PLA2R1: variants seen among roughly 807,000 people sequenced by gnomAD.
PLA2R1 encodes secretory phospholipase A2 receptor.
A neutral mutation model predicts 195.9 loss-of-function variants in PLA2R1; 158 were observed. The observed-to-expected ratio is 0.81, with a 90% CI of 0.71 to 0.92. PLA2R1 has a LOEUF of 0.92. Among genes scored for constraint, PLA2R1 ranks in the 40% least tolerant of loss-of-function variants. The probability of loss-of-function intolerance (pLI) is 0.00; values close to 1 mark genes in which losing one functional copy is unlikely to be tolerated. For synonymous variants in PLA2R1, 586 were observed against 598.2 expected (o/e 0.98, Z 0.30); for missense variants, 1,626 against 1,764.6 (o/e 0.92, Z 1.41).
At chr2:160,040,257 G>A (rs1315941267) in intron 3 of PLA2R1, among the ~76,000 whole-genome samples, 1 of 151,926 alleles carries the variant, frequency 6.6e-6, no homozygotes, top group East Asian at 1.9e-4. Flanking sequence ...CCACTGTTCT[G>A]AGCTTCTCTA....
chr2:159,931,837 T>C (rs1224219948), downstream of PLA2R1, among the ~76,000 whole-genome samples: 1 of 152,250 alleles, frequency 6.6e-6, no homozygotes, highest in Non-Finnish European at 1.5e-5. Context: ...ACATTGTCCC[T>C]ACACCAAAAG....
intron 5 of PLA2R1, 28 bp from the exon 6 acceptor site, chr2:160,028,389 TTA>T (rs1355096787): frequency 6.4e-7 from 1 of 1,556,306 alleles, no homozygotes; most frequent in African/African-American, 1.4e-5. Context: ...GTCTTTAATA[TTA>T]GAAGCAAAAG....
chr2:160,020,805 A>G (rs1693057861), intron 7 of PLA2R1, among the ~76,000 whole-genome samples: 1 of 152,212 alleles, frequency 6.6e-6, no homozygotes, highest in Non-Finnish European at 1.5e-5. Context: ...TAAATTACTC[A>G]GTTTCTTTGT....
chr2:160,050,228 A>G (rs191982801), intron 1 of PLA2R1, among the ~76,000 whole-genome samples: 11 of 152,354 alleles, frequency 7.2e-5, no homozygotes, highest in Admixed American at 1.3e-4. Flanking sequence ...CTGATGTCAC[A>G]TGTGAGGTGG....
chr2:160,023,791 A>C (rs193029567), intron 6 of PLA2R1, among the ~76,000 whole-genome samples: 1 of 152,192 alleles, frequency 6.6e-6, no homozygotes, highest in Non-Finnish European at 1.5e-5. Context: ...GCAATGAATA[A>C]ATGACTACAT....
In PLA2R1 at chr2:160,054,861, T is replaced by TA. The variant is rs146085747; in HGVS notation, c.109+7433dup. ...CCAAAAGGCTCTCAAGGATAATTTC[T>TA]AAAAAAAAATGGAGGGAAGGGTTTA... On this transcript the variant is annotated intron_variant, in intron 1 of 29. Transcript: ENST00000283243. Among the ~76,000 whole-genome samples, 1,013 of 151,394 alleles carry TA rather than the reference T, an allele frequency of 6.7e-3. 10 individuals are homozygous for TA. Among genetic ancestry groups the TA allele is most frequent in the African/African-American group, 0.023 (964 of 41,330 alleles).
In PLA2R1 at chr2:160,062,405, G is replaced by C. The variant is rs1182335577; in HGVS notation, c.-2C>G. 2.6e-6 allele frequency: 4 copies of C among 1,539,634 alleles called. No individual in the cohort carries two copies. In the Admixed American group the frequency reaches 5.9e-5, roughly 23 times the overall value. ...CAGCAGCGACGGCGACAGCAGCATC[G>C]CTAACCACTGGGCTCTCCGGGAGCC... On this transcript the variant is annotated 5_prime_UTR_variant, in exon 1 of 30. Coordinates refer to ENST00000283243, the MANE Select transcript of PLA2R1 (RefSeq NM_007366.5).
intron 6 of PLA2R1, 62 bp from the exon 7 acceptor site, chr2:160,022,921 G>A: frequency 8.6e-7 from 1 of 1,159,464 alleles, no homozygotes; most frequent in Non-Finnish European, 1.2e-6. Flanking sequence ...ACTTATTACA[G>A]CTTATGTAAA....
intron 10 of PLA2R1, among the ~76,000 whole-genome samples, chr2:160,009,407 C>A (rs1220176332): frequency 6.6e-6 from 1 of 152,174 alleles, no homozygotes; most frequent in East Asian, 1.9e-4. Context: ...AATTCTGACA[C>A]TACAACATGC....
In PLA2R1 at chr2:159,937,707, A is replaced by G. The variant is rs1686898852; in HGVS notation, c.*4071T>C. On this transcript the variant is annotated 3_prime_UTR_variant, in exon 30 of 30. Transcript: ENST00000283243. ...AGTGGATGAGATAAATTTTCAAATG[A>G]AAGTAGCACTCCAGCTGTTCCACTG... The G allele has an allele frequency of 6.6e-6, 1 of 152,234 alleles. No individual in the cohort carries two copies. The highest frequency in any genetic ancestry group is 1.5e-5 in the Non-Finnish European group (1 of 68,038). The allele number at this position is 152,234 out of a possible 1,614,324, so 9.4% of individuals were successfully genotyped here. A position where few individuals can be genotyped will look rare whatever the true frequency, so the allele number is the denominator to read the frequency against.
intron 17 of PLA2R1, among the ~76,000 whole-genome samples, chr2:159,971,029 T>C (rs556140604): frequency 5.5e-4 from 83 of 152,172 alleles, no homozygotes; most frequent in Non-Finnish European, 9.0e-4. Flanking sequence ...TACAGCAAAC[T>C]ACCATGGCAT....
At chr2:160,059,786 G>A (rs773327359) in intron 1 of PLA2R1, among the ~76,000 whole-genome samples, 12 of 152,184 alleles carry the variant, frequency 7.9e-5, no homozygotes, top group Non-Finnish European at 1.2e-4. Context: ...CGTGGCAGCG[G>A]CAAGAGAAAG....
At chr2:160,035,432 C>T (rs993723909) in intron 3 of PLA2R1, among the ~76,000 whole-genome samples, 1 of 152,172 alleles carries the variant, frequency 6.6e-6, no homozygotes, top group Non-Finnish European at 1.5e-5. Context: ...GCCCCTGTAT[C>T]CCAACAAGGG....
At chr2:159,993,769 T>C (rs1412984530) in intron 11 of PLA2R1, among the ~76,000 whole-genome samples, 7 of 152,020 alleles carry the variant, frequency 4.6e-5, no homozygotes, top group Non-Finnish European at 7.4e-5. Context: ...AAAAGGATAA[T>C]TGCAATGGAC....
At chr2:159,975,498 T>C (rs1445369928) in intron 17 of PLA2R1, among the ~76,000 whole-genome samples, 1 of 149,364 alleles carries the variant, frequency 6.7e-6, no homozygotes, top group Non-Finnish European at 1.5e-5. Context: ...CTATTTTCTG[T>C]ATATTAGTCT....
At chr2:160,000,887 A>G (rs1691543025) in intron 11 of PLA2R1, among the ~76,000 whole-genome samples, 1 of 152,128 alleles carries the variant, frequency 6.6e-6, no homozygotes. Context: ...GGTAGAAAAT[A>G]TTTTAAAAAT....
chr2:160,005,607 G>T lies in PLA2R1; in HGVS notation c.1834+45C>A, dbSNP rs73967981. On this transcript the variant is annotated intron_variant, in intron 11 of 29. Coordinates refer to ENST00000283243, the MANE Select transcript of PLA2R1 (RefSeq NM_007366.5). ...GGCCAAGGGGTGGAAGGAATTTGGA[G>T]TAAAGAAAACAGGGAGGGTTGGTGA... The T allele has an allele frequency of 7.0e-6, 11 of 1,561,284 alleles. No homozygotes were observed. In the Admixed American group the frequency reaches 1.6e-4, roughly 23 times the overall value.
the PLA2R1 span, among the ~76,000 whole-genome samples, chr2:159,924,032 G>T: frequency 0.67 from 101,734 of 151,792 alleles, 36,475 homozygotes; most frequent in East Asian, 0.81. Flanking sequence ...GCAGGGCTGC[G>T]CTCTCTCTGG....
chr2:160,014,219 T>G (rs1202461771), intron 9 of PLA2R1, among the ~76,000 whole-genome samples: 1 of 130,866 alleles, frequency 7.6e-6, no homozygotes, highest in African/African-American at 2.8e-5. Flanking sequence ...ATATATGTAT[T>G]TTTTCTTTTT....
Sources: gnomAD v4.1 joint callset for allele counts (sites outside exome capture counted in the v4.1 genomes callset) on GRCh38, gnomAD v4.1.1 for gene constraint, MANE v1.5 for transcripts, NCBI Gene and HGNC (gene_info 2026-07-23, HGNC 2026-07-21) for gene names.